Variants in RAB33A observed in about 807,000 individuals in gnomAD.
The protein encoded by RAB33A is RAB33A, member RAS oncogene family.
RAB33A carries 6 observed loss-of-function variants against 12.0 expected under a neutral mutation model. The observed-to-expected ratio is 0.50, with a 90% CI of 0.27 to 0.99. The LOEUF (loss-of-function observed/expected upper bound fraction) is 0.99. RAB33A is among the 50% of genes least tolerant of loss of function. The probability of loss-of-function intolerance (pLI) is 0.11; values close to 1 mark genes in which losing one functional copy is unlikely to be tolerated. For synonymous variants in RAB33A, 70 were observed against 82.4 expected (o/e 0.85, Z 0.81); for missense variants, 109 against 192.0 (o/e 0.57, Z 2.55).
At chrX:130,131,322 G>T in the RAB33A span, among the ~76,000 whole-genome samples, 1 of 112,053 alleles carries the variant, frequency 8.9e-6, no homozygotes, top group Non-Finnish European at 1.9e-5. Flanking sequence ...AATGACAACT[G>T]AAAGAAAGAA....
the RAB33A span, chrX:130,131,537 T>C: frequency 3.1e-4 from 291 of 925,998 alleles, 1 homozygote; most frequent in East Asian, 9.0e-3. Context: ...GACTTGGGGT[T>C]TGGTTTCTTT....
At chrX:130,165,560 G>A in the RAB33A span, 3 of 1,191,990 alleles carry the variant, frequency 2.5e-6, no homozygotes, top group African/African-American at 3.5e-5. Context: ...CCTGGGAGCC[G>A]GTTCCTCTGC....
upstream of RAB33A, among the ~76,000 whole-genome samples, chrX:130,171,270 A>G (rs915770094): frequency 8.9e-6 from 1 of 112,383 alleles, no homozygotes; most frequent in African/African-American, 3.2e-5. Context: ...CTGCTCACTC[A>G]TTAAGACAGA....
the RAB33A span, among the ~76,000 whole-genome samples, chrX:130,116,343 G>A: frequency 9.1e-6 from 1 of 110,380 alleles, no homozygotes; most frequent in Admixed American, 9.7e-5. Context: ...ATCCAGGCTC[G>A]AGTGCAGTGG....
At chrX:130,172,514 T>A (rs1421101432) in intron 1 of RAB33A, among the ~76,000 whole-genome samples, 194 bp downstream of exon 1, 2 of 111,987 alleles carry the variant, frequency 1.8e-5, no homozygotes, top group African/African-American at 6.5e-5. Context: ...CACTCAGTTT[T>A]TTAGGGCGGT....
upstream of RAB33A, chrX:130,171,958 A>G (rs944328006): frequency 7.4e-5 from 67 of 909,639 alleles, no homozygotes; most frequent in Middle Eastern, 4.1e-4. Context: ...ACACGCGCGC[A>G]CACACACACG....
chrX:130,162,724 A>G, the RAB33A span, among the ~76,000 whole-genome samples: 1 of 111,809 alleles, frequency 8.9e-6, no homozygotes, highest in African/African-American at 3.3e-5. Flanking sequence ...GATTCCAAAT[A>G]GAGAAAAACG....
the RAB33A span, among the ~76,000 whole-genome samples, chrX:130,150,696 C>T: frequency 2.9e-5 from 3 of 105,122 alleles, no homozygotes; most frequent in African/African-American, 1.0e-4. Context: ...TGCTTTTGGC[C>T]GGGCATGGTG....
At chrX:130,140,208 CCT>C in the RAB33A span, among the ~76,000 whole-genome samples, 3 of 112,508 alleles carry the variant, frequency 2.7e-5, no homozygotes, top group Non-Finnish European at 3.8e-5. Context: ...GCTTCTGTCT[CCT>C]CTCTTGGTTT....
intron 1 of RAB33A, among the ~76,000 whole-genome samples, chrX:130,183,582 A>C (rs2031755436): frequency 9.0e-6 from 1 of 111,072 alleles, no homozygotes; most frequent in Admixed American, 9.6e-5. Flanking sequence ...ATAACACTGT[A>C]AGATATTAGT....
chrX:130,143,730 G>A, the RAB33A span, among the ~76,000 whole-genome samples: 1 of 110,181 alleles, frequency 9.1e-6, no homozygotes, highest in African/African-American at 3.3e-5. Flanking sequence ...GGTGGCGCAT[G>A]CAGCTACTTG....
chrX:130,110,928 G>C, the RAB33A span, among the ~76,000 whole-genome samples: 8 of 97,327 alleles, frequency 8.2e-5, no homozygotes, highest in Non-Finnish European at 1.7e-4. Flanking sequence ...CGGCGGATGG[G>C]GCGGGCGCGA....
At chrX:130,136,944 A>G in the RAB33A span, 1 of 1,152,026 alleles carries the variant, frequency 8.7e-7, no homozygotes, top group African/African-American at 1.8e-5. Context: ...AACTTAGCTG[A>G]CTGGAGAATG....
chrX:130,145,700 A>G, the RAB33A span: 79 of 520,969 alleles, frequency 1.5e-4, no homozygotes, highest in African/African-American at 1.1e-3. Context: ...CTCCAAGTCT[A>G]TTAAATCATG....
chrX:130,116,107 T>A, the RAB33A span, among the ~76,000 whole-genome samples: 1 of 99,242 alleles, frequency 1.0e-5, no homozygotes, highest in East Asian at 3.1e-4. Context: ...TCCTTTTTTT[T>A]TTTTTTTTTT....
At chrX:130,130,024 C>G in the RAB33A span, 1 of 1,211,750 alleles carries the variant, frequency 8.3e-7, no homozygotes, top group Non-Finnish European at 1.1e-6. Context: ...TCCCCACGAC[C>G]ACTTTGTCCC....
intron 1 of RAB33A, among the ~76,000 whole-genome samples, chrX:130,180,501 C>T (rs1449079281): frequency 1.8e-5 from 2 of 110,721 alleles, no homozygotes; most frequent in Non-Finnish European, 3.8e-5. Flanking sequence ...GTTGCCCAGG[C>T]TGGAGTGCTG....
the RAB33A span, among the ~76,000 whole-genome samples, chrX:130,164,078 G>A: frequency 1.6e-4 from 17 of 106,301 alleles, no homozygotes; most frequent in Non-Finnish European, 3.1e-4. Context: ...TGAGGCAGAA[G>A]AATGGCGTGA....
upstream of RAB33A, among the ~76,000 whole-genome samples, chrX:130,167,642 C>G (rs190421219): frequency 8.9e-6 from 1 of 112,681 alleles, no homozygotes; most frequent in East Asian, 2.8e-4. Flanking sequence ...ACTAGGGAGA[C>G]TGAGGCAGGA....
Sources: gnomAD v4.1 joint callset for allele counts (sites outside exome capture counted in the v4.1 genomes callset) on GRCh38, gnomAD v4.1.1 for gene constraint, MANE v1.5 for transcripts, NCBI Gene and HGNC (gene_info 2026-07-23, HGNC 2026-07-21) for gene names.